EEF2K: variants seen among roughly 807,000 people sequenced by gnomAD.
EEF2K encodes the protein eukaryotic elongation factor 2 kinase, also known as alternative protein EEF2K.
EEF2K carries 70 observed loss-of-function variants against 93.8 expected under a neutral mutation model. That is an observed-to-expected ratio of 0.75 (90% CI 0.62 to 0.91). EEF2K has a LOEUF of 0.91. Among genes scored for constraint, EEF2K ranks in the 40% least tolerant of loss-of-function variants. EEF2K has a pLI of 0.00. For synonymous variants in EEF2K, 376 were observed against 380.8 expected, an observed-to-expected ratio of 0.99 and a Z score of 0.15; for missense variants, 935 against 972.9, an observed-to-expected ratio of 0.96 and a Z score of 0.52.
At position 22,244,728 on chromosome 16, in the gene EEF2K, C is replaced by G. The variant is rs759346914; in HGVS notation, c.345C>G (p.His115Gln). 2 of 1,613,834 alleles carry G rather than the reference C, an allele frequency of 1.2e-6. No individual in the cohort carries two copies. ...EDIATERATR[H>Q]RYNAVTGEWL... ...TTGCCACCGAACGTGCTACTCGACA[C>G]AGGTCAGCAGCTTGTGTGGGGTCTC... The change falls in exon 3 of 18, where the codon CAC becomes CAG. Residue 115 changes from histidine (H) to glutamine (Q), a missense_variant and splice_region_variant. His to Gln is a conservative substitution (Grantham distance 24). Coordinates refer to ENST00000263026, the MANE Select transcript of EEF2K (RefSeq NM_013302.5).
intron 3 of EEF2K, among the ~76,000 whole-genome samples, chr16:22,246,336 A>C (rs1315009436): frequency 6.6e-6 from 1 of 151,856 alleles, no homozygotes; most frequent in Non-Finnish European, 1.5e-5. Flanking sequence ...AGCCTGACCA[A>C]CATGGTGAAA....
chr16:22,274,014 C>T (rs544939007), intron 16 of EEF2K, among the ~76,000 whole-genome samples: 2 of 152,274 alleles, frequency 1.3e-5, no homozygotes, highest in East Asian at 3.9e-4. Flanking sequence ...GCACATAAAG[C>T]ATGTGGTATG....
chr16:22,254,565 CA>C (rs1228320595), intron 6 of EEF2K, among the ~76,000 whole-genome samples: 1 of 152,180 alleles, frequency 6.6e-6, no homozygotes, highest in African/African-American at 2.4e-5. Context: ...GCAAGAGGTG[CA>C]AGCTAGAGTC....
In EEF2K at chr16:22,271,408, G is replaced by C. The variant is rs567350906; in HGVS notation, c.1765-2218G>C. On this transcript the variant is annotated intron_variant, in intron 15 of 17. Coordinates refer to ENST00000263026, the MANE Select transcript of EEF2K (RefSeq NM_013302.5). ...TTTTGCTAATTTAAAGAATAAGTAG[G>C]CTGGGCATGGTGGCTCACACCTGTA... 1.5e-3 allele frequency among the ~76,000 whole-genome samples: 223 copies of C among 152,158 alleles called. 1 individual carries two copies. The highest frequency in any genetic ancestry group is 8.6e-3 in the Admixed American group (131 of 15,258).
intron 1 of EEF2K, among the ~76,000 whole-genome samples, chr16:22,220,720 C>T (rs1399188657): frequency 4.6e-5 from 7 of 152,214 alleles, no homozygotes; most frequent in Non-Finnish European, 4.4e-5. Context: ...GCTGGGATTA[C>T]GGGCATGAGC....
chr16:22,254,124 T>C (rs1226851920), intron 6 of EEF2K, among the ~76,000 whole-genome samples: 11 of 147,290 alleles, frequency 7.5e-5, no homozygotes, highest in South Asian at 2.2e-4. Flanking sequence ...GTAGTAGTAG[T>C]AACAATAATA....
At chr16:22,258,836 C>A in intron 10 of EEF2K, 141 bp downstream of exon 10, 1 of 1,079,358 alleles carries the variant, frequency 9.3e-7, no homozygotes, top group Non-Finnish European at 1.3e-6. Context: ...AGGTGAGTTT[C>A]ATTGAGTGAA....
At chr16:22,262,040 A>C (rs2047470587) in intron 11 of EEF2K, among the ~76,000 whole-genome samples, 1 of 145,482 alleles carries the variant, frequency 6.9e-6, no homozygotes, top group African/African-American at 2.7e-5. Flanking sequence ...CACACACAGA[A>C]AAGATACTTC....
chr16:22,231,083 A>G (rs1392588483), intron 2 of EEF2K, among the ~76,000 whole-genome samples: 1 of 151,814 alleles, frequency 6.6e-6, no homozygotes, highest in Non-Finnish European at 1.5e-5. Context: ...GAAATATAGT[A>G]TGATGCTTTT....
At chr16:22,218,350 T>C (rs2046978416) in intron 1 of EEF2K, among the ~76,000 whole-genome samples, 1 of 152,222 alleles carries the variant, frequency 6.6e-6, no homozygotes, top group South Asian at 2.1e-4. Flanking sequence ...ATTGGCCAGC[T>C]CGGGGTGCCA....
chr16:22,224,155 C>T (rs1038959529), intron 1 of EEF2K, among the ~76,000 whole-genome samples: 2 of 151,900 alleles, frequency 1.3e-5, no homozygotes, highest in Non-Finnish European at 2.9e-5. Context: ...TGCAGTGAGC[C>T]GAGATCATGC....
At chr16:22,225,626 C>G in intron 1 of EEF2K, 28 bp from the exon 2 acceptor site, 1 of 1,516,562 alleles carries the variant, frequency 6.6e-7, no homozygotes, top group East Asian at 2.3e-5. Context: ...CCCCAGCACC[C>G]ACTCTCTGGC....
chr16:22,238,367 C>T (rs1439935605), intron 2 of EEF2K, among the ~76,000 whole-genome samples: 1 of 152,070 alleles, frequency 6.6e-6, no homozygotes, highest in African/African-American at 2.4e-5. Flanking sequence ...GTGATCATCC[C>T]CCTACAGATG....
chr16:22,234,089 AC>A (rs200979331), intron 2 of EEF2K, among the ~76,000 whole-genome samples: 9 of 151,064 alleles, frequency 6.0e-5, no homozygotes, highest in East Asian at 3.9e-4. Flanking sequence ...CCACCAGAGG[AC>A]CCCCCCCAGA....
At chr16:22,230,858 G>C (rs2047107973) in intron 2 of EEF2K, among the ~76,000 whole-genome samples, 1 of 151,876 alleles carries the variant, frequency 6.6e-6, no homozygotes. Context: ...TTGAACTCCT[G>C]GGCTCAAACA....
At chr16:22,270,829 G>A (rs8059570) in intron 15 of EEF2K, among the ~76,000 whole-genome samples, 24,823 of 151,876 alleles carry the variant, frequency 0.16, 3,076 homozygotes, top group African/African-American at 0.36. Flanking sequence ...ATGATGGTGA[G>A]ACAAAAACTT....
intron 16 of EEF2K, among the ~76,000 whole-genome samples, chr16:22,276,071 C>T (rs1433160383): frequency 2.0e-5 from 3 of 152,090 alleles, no homozygotes; most frequent in Non-Finnish European, 4.4e-5. Context: ...AAGCCTCCTG[C>T]GTAGCTGGGA....
intron 1 of EEF2K, among the ~76,000 whole-genome samples, chr16:22,212,150 A>G (rs76847256): frequency 0.09 from 13,649 of 152,230 alleles, 918 homozygotes; most frequent in East Asian, 0.29. Flanking sequence ...TCCAAAATGC[A>G]TTTTTCAGAT....
intron 2 of EEF2K, among the ~76,000 whole-genome samples, chr16:22,236,539 T>G (rs1247336060): frequency 6.6e-6 from 1 of 152,012 alleles, no homozygotes; most frequent in East Asian, 1.9e-4. Context: ...GGGAAAAAAA[T>G]GATTTTATAA....
Sources: allele counts gnomAD v4.1 joint callset (sites outside exome capture counted in the v4.1 genomes callset), GRCh38; gene constraint gnomAD v4.1.1; transcripts MANE v1.5; gene names NCBI Gene and HGNC (gene_info 2026-07-23, HGNC 2026-07-21).